Variants in COL6A6 observed in about 807,000 individuals in gnomAD.
COL6A6 encodes collagen type VI alpha 6 chain.
A neutral mutation model predicts 208.6 loss-of-function variants in COL6A6; 183 were observed. The ratio of observed to expected loss-of-function variants is 0.88; its 90% CI spans 0.78 to 0.99. The LOEUF (loss-of-function observed/expected upper bound fraction) is 0.99. Among genes scored for constraint, COL6A6 ranks in the 50% least tolerant of loss-of-function variants. The pLI, the probability that COL6A6 is intolerant of heterozygous loss-of-function variation, is 0.00. For missense variants in COL6A6, 2,816 were observed against 2,815.2 expected (o/e 1.00, Z -0.01); for synonymous variants, 973 against 1,011.8 (o/e 0.96, Z 0.73).
intron 35 of COL6A6, among the ~76,000 whole-genome samples, chr3:130,663,678 C>T (rs2065995305): frequency 6.6e-6 from 1 of 152,118 alleles, no homozygotes; most frequent in Non-Finnish European, 1.5e-5. Context: ...GGTAGTGTTT[C>T]ATGGGTTATT....
At chr3:130,615,197 A>C (rs776059522) in intron 23 of COL6A6, among the ~76,000 whole-genome samples, 3 of 152,180 alleles carry the variant, frequency 2.0e-5, no homozygotes, top group African/African-American at 4.8e-5. Context: ...TTATTTACCC[A>C]AAAGTCATTC....
At chr3:130,563,889 T>G (rs953133066) in intron 3 of COL6A6, among the ~76,000 whole-genome samples, 1 of 152,216 alleles carries the variant, frequency 6.6e-6, no homozygotes, top group African/African-American at 2.4e-5. Flanking sequence ...TTGCCTGACA[T>G]TCACAGACTT....
At chr3:130,590,863 G>A (rs554060830) in intron 12 of COL6A6, among the ~76,000 whole-genome samples, 178 bp from the exon 13 acceptor site, 4 of 152,228 alleles carry the variant, frequency 2.6e-5, no homozygotes, top group South Asian at 2.1e-4. Flanking sequence ...CACCACACCC[G>A]GCCAAAATTC....
chr3:130,579,466 TCA>T, intron 8 of COL6A6, among the ~76,000 whole-genome samples: 1 of 152,280 alleles, frequency 6.6e-6, no homozygotes, highest in Admixed American at 6.5e-5. Context: ...GTCTTCCCAC[TCA>T]CAGACTTGCC....
chr3:130,653,769 A>G (rs542554258), intron 33 of COL6A6, among the ~76,000 whole-genome samples: 1 of 152,308 alleles, frequency 6.6e-6, no homozygotes, highest in South Asian at 2.1e-4. Flanking sequence ...CTCTAAAACT[A>G]CATCTTCCAG....
At chr3:130,594,450 A>G (rs2063796610) in intron 18 of COL6A6, 107 bp downstream of exon 18, 2 of 800,324 alleles carry the variant, frequency 2.5e-6, no homozygotes, top group African/African-American at 1.7e-5. Flanking sequence ...AGTTTAAAAC[A>G]CCACAGGCAT....
chr3:130,622,199 G>A (rs1004887728), intron 24 of COL6A6, among the ~76,000 whole-genome samples: 6 of 61,768 alleles, frequency 9.7e-5, no homozygotes, highest in South Asian at 5.4e-4. Flanking sequence ...TCCTCCCCCC[G>A]CCTACCCCCC....
rs1559812288 is a variant in COL6A6, at chr3:130,675,270, AT to A, written c.6666del (p.Asp2222GlufsTer8). 7 of 1,585,998 alleles carry A rather than the reference AT, an allele frequency of 4.4e-6. No individual in the cohort carries two copies. Among genetic ancestry groups the A allele is most frequent in the Non-Finnish European group, 6.0e-6 (7 of 1,164,830 alleles). ...TTACAGAAGGCAAAATTCTTTCAAG[AT>A]AAAAAATATCTTTCAAGAGTAGCAA... The part of the protein sequence containing the change: ...DVLQKAKFFQ[D>X]KKYLSRVARS... On this transcript the variant is annotated frameshift_variant, in exon 37 of 37. Transcript: ENST00000358511. LOFTEE classifies it low-confidence loss of function (END_TRUNC).
At chr3:130,624,579 G>A (rs1281235528) in intron 24 of COL6A6, among the ~76,000 whole-genome samples, 2 of 152,182 alleles carry the variant, frequency 1.3e-5, no homozygotes, top group Non-Finnish European at 2.9e-5. Context: ...GGCTCTAGGG[G>A]AAGTGGTGTC....
intron 33 of COL6A6, among the ~76,000 whole-genome samples, chr3:130,655,582 T>C (rs1206281926): frequency 6.6e-6 from 1 of 152,202 alleles, no homozygotes; most frequent in African/African-American, 2.4e-5. Flanking sequence ...ATGGGCACAG[T>C]GGACCAGGCA....
At chr3:130,611,974 C>T (rs1191075686) in intron 23 of COL6A6, among the ~76,000 whole-genome samples, 3 of 152,072 alleles carry the variant, frequency 2.0e-5, no homozygotes, top group Admixed American at 2.0e-4. Context: ...TGTTGTTCCC[C>T]TCTTTGTGTC....
In COL6A6 at chr3:130,596,838, T is replaced by C. The variant is rs113207897; in HGVS notation, c.4534-1527T>C. Among the ~76,000 whole-genome samples, 1,337 of 152,250 alleles carry C rather than the reference T, an allele frequency of 8.8e-3. 28 individuals carry two copies. Among genetic ancestry groups the C allele is most frequent in the African/African-American group, 0.03 (1,263 of 41,552 alleles). ...GATAAAATTTTTAAAAAAAGAAATA[T>C]TGGGGGAAAACAGTTAAATTATTTG... is the stretch of plus-strand genomic sequence containing the variant. On this transcript the variant is annotated intron_variant, in intron 18 of 36. Transcript: ENST00000358511.
chr3:130,661,250 G>A (rs2065923130), intron 34 of COL6A6, among the ~76,000 whole-genome samples: 1 of 152,108 alleles, frequency 6.6e-6, no homozygotes, highest in African/African-American at 2.4e-5. Context: ...TAGAATATAA[G>A]CGTAGTGATA....
chr3:130,517,523 A>G (rs1012991119), intron 1 of COL6A6, among the ~76,000 whole-genome samples, 126 bp downstream of exon 1: 1 of 152,272 alleles, frequency 6.6e-6, no homozygotes, highest in African/African-American at 2.4e-5. Context: ...GTGGAGGGAA[A>G]TAAGTGAATT....
chr3:130,563,261 C>T lies in COL6A6; in HGVS notation c.258C>T (p.Gly86=). The change falls in exon 3 of 37, where the codon GGC becomes GGT. Residue 86 remains glycine (G), a synonymous_variant. Coordinates refer to ENST00000358511, the MANE Select transcript of COL6A6 (RefSeq NM_001102608.3). ...AATTCCACCTGAGCACCTTCAAAGG[C>T]AGGAGCCCCATGCTGAACCACCTAA... ...HSEFHLSTFK[G]RSPMLNHLRK... 6.2e-7 allele frequency: 1 copy of T among 1,614,032 alleles called. No homozygotes were observed. Among genetic ancestry groups the T allele is most frequent in the Non-Finnish European group, 8.5e-7 (1 of 1,179,898 alleles).
In COL6A6 at chr3:130,675,493, A is replaced by G; in HGVS notation, c.*96A>G. On this transcript the variant is annotated 3_prime_UTR_variant, in exon 37 of 37. Coordinates refer to ENST00000358511, the MANE Select transcript of COL6A6 (RefSeq NM_001102608.3). ...TGCCAGAACTCAAGCAACAGTTTGT[A>G]GGTTATCAGGTGACTTGACCCCCTG... 2 of 876,514 alleles carry G rather than the reference A, an allele frequency of 2.3e-6. No individual in the cohort carries two copies. The highest frequency in any genetic ancestry group is 3.4e-6 in the Non-Finnish European group (2 of 585,180). 54.3% of individuals were successfully genotyped at this position (876,514 alleles called of 1,614,324 possible). A position where few individuals can be genotyped will look rare whatever the true frequency, so the allele number is the denominator to read the frequency against.
intron 1 of COL6A6, among the ~76,000 whole-genome samples, chr3:130,538,783 T>G (rs2062284698): frequency 6.6e-6 from 1 of 152,066 alleles, no homozygotes; most frequent in Admixed American, 6.6e-5. Flanking sequence ...TTCAGTGGAG[T>G]GATTCTGCCT....
At position 130,571,077 on chromosome 3, in the gene COL6A6, T is replaced by C. The variant is rs776256079; in HGVS notation, c.2661T>C (p.Tyr887=). 19 of 1,613,770 alleles carry C rather than the reference T, an allele frequency of 1.2e-5. No homozygotes were observed. The highest frequency in any genetic ancestry group is 2.7e-5 in the African/African-American group (2 of 74,950). Residue 887 remains tyrosine, a synonymous_variant, in exon 7 of 37, where the codon TAT becomes TAC. Coordinates refer to ENST00000358511, the MANE Select transcript of COL6A6 (RefSeq NM_001102608.3). ...QNDQAMGGST[Y]TAEALGFSDH... ...ACCAAGCCATGGGTGGCAGTACTTA[T>C]ACTGCTGAGGCACTGGGCTTCTCAG... is the stretch of plus-strand genomic sequence containing the variant.
In COL6A6 at chr3:130,665,099, ACTGT is replaced by A. The variant is rs1559803191; in HGVS notation, c.6596+8_6596+11del. 8 of 1,598,904 alleles carry A rather than the reference ACTGT, an allele frequency of 5.0e-6. No individual in the cohort carries two copies. The highest frequency in any genetic ancestry group is 1.1e-5 in the South Asian group (1 of 89,002). On this transcript the variant is annotated splice_donor_5th_base_variant and intron_variant, in intron 36 of 36. Transcript: ENST00000358511. ...CAGCCCCCACGACCATTCCGAAGGT[ACTGT>A]CTGTTTGGTGTTACTTGATAAATGA...
Sources: allele counts gnomAD v4.1 joint callset (sites outside exome capture counted in the v4.1 genomes callset), GRCh38; gene constraint gnomAD v4.1.1; transcripts MANE v1.5; gene names NCBI Gene and HGNC (gene_info 2026-07-23, HGNC 2026-07-21).